The following PTPRK variants were observed in gnomAD, a reference collection of about 807,000 sequenced individuals.
The protein encoded by PTPRK is protein tyrosine phosphatase receptor type K.
In PTPRK, 75 loss-of-function variants were observed where a neutral mutation model predicts 178.0. The ratio of observed to expected loss-of-function variants is 0.42; its 90% CI spans 0.35 to 0.51. PTPRK has a LOEUF of 0.51. PTPRK is among the 20% of genes least tolerant of loss of function. The pLI, the probability that PTPRK is intolerant of heterozygous loss-of-function variation, is 0.02. For synonymous variants in PTPRK, 637 were observed against 620.6 expected, an observed-to-expected ratio of 1.03 and a Z score of -0.39; for missense variants, 1,441 against 1,797.8, an observed-to-expected ratio of 0.80 and a Z score of 3.59.
intron 7 of PTPRK, among the ~76,000 whole-genome samples, chr6:128,174,525 G>C (rs951861970): frequency 6.6e-6 from 1 of 151,738 alleles, no homozygotes; most frequent in African/African-American, 2.4e-5. Flanking sequence ...ATGTTCCTTT[G>C]TTTAAAATAT....
intron 2 of PTPRK, among the ~76,000 whole-genome samples, chr6:128,347,148 G>A (rs1053407828): frequency 5.3e-5 from 8 of 152,030 alleles, no homozygotes; most frequent in African/African-American, 1.7e-4. Context: ...TATCTCACTG[G>A]AAACAATAAT....
intron 1 of PTPRK, among the ~76,000 whole-genome samples, chr6:128,463,060 A>G (rs758686995): frequency 4.6e-5 from 7 of 152,176 alleles, no homozygotes; most frequent in Admixed American, 3.9e-4. Flanking sequence ...TGGAAAATTA[A>G]TTAATTGGGT....
At chr6:128,397,949 T>C (rs1840538499) in intron 1 of PTPRK, among the ~76,000 whole-genome samples, 4 of 152,190 alleles carry the variant, frequency 2.6e-5, no homozygotes, top group African/African-American at 9.6e-5. Context: ...AAATAATAGA[T>C]ACATGCATAA....
chr6:128,163,585 T>A (rs1268069777), intron 7 of PTPRK, among the ~76,000 whole-genome samples: 4 of 151,500 alleles, frequency 2.6e-5, no homozygotes, highest in Non-Finnish European at 5.9e-5. Flanking sequence ...TAGGGTTTTA[T>A]ATTTTTTATG....
rs1248966419 is a variant in PTPRK at position 128,045,403 on chromosome 6, C to T, written c.2194+19355G>A. Among the ~76,000 whole-genome samples, 6 of 151,806 alleles carry T rather than the reference C, an allele frequency of 4.0e-5. No individual in the cohort carries two copies. The South Asian group carries it at 6.2e-4, about 16-fold the overall frequency. On this transcript the variant is annotated intron_variant, in intron 13 of 29. Coordinates refer to ENST00000368226, the MANE Select transcript of PTPRK (RefSeq NM_002844.4). Reference sequence around the variant, plus strand: ...AACTACTTTTTAAACCTATTTTTCTCACAAAAAGGTGAAAATTAATGTAAG... The same window carrying T: ...AACTACTTTTTAAACCTATTTTTCTTACAAAAAGGTGAAAATTAATGTAAG...
chr6:128,122,217 C>T (rs1446842609), intron 7 of PTPRK, among the ~76,000 whole-genome samples: 1 of 151,874 alleles, frequency 6.6e-6, no homozygotes, highest in Non-Finnish European at 1.5e-5. Context: ...GGGGAAGACA[C>T]AAGTTAAATG....
intron 15 of PTPRK, among the ~76,000 whole-genome samples, chr6:127,999,334 T>G (rs181001550): frequency 1.3e-5 from 2 of 151,934 alleles, no homozygotes; most frequent in African/African-American, 4.8e-5. Context: ...ATACCCGATC[T>G]AGGTGACCCA....
intron 1 of PTPRK, among the ~76,000 whole-genome samples, chr6:128,452,484 T>A (rs1337613610): frequency 6.6e-6 from 1 of 152,188 alleles, no homozygotes; most frequent in African/African-American, 2.4e-5. Context: ...AACCTAAGCT[T>A]CAATCGCTGG....
chr6:128,123,206 G>A (rs928568132), intron 7 of PTPRK, among the ~76,000 whole-genome samples: 2 of 152,134 alleles, frequency 1.3e-5, no homozygotes, highest in African/African-American at 4.8e-5. Context: ...GGAAAGCCAG[G>A]AGTCACCAGA....
chr6:128,279,601 G>A (rs1014964547), intron 3 of PTPRK, among the ~76,000 whole-genome samples: 5 of 152,074 alleles, frequency 3.3e-5, no homozygotes, highest in Non-Finnish European at 5.9e-5. Context: ...CTTTTTTAAC[G>A]TGAAGCCACT....
chr6:128,400,675 T>C (rs1457037558), intron 1 of PTPRK, among the ~76,000 whole-genome samples: 1 of 152,156 alleles, frequency 6.6e-6, no homozygotes, highest in Non-Finnish European at 1.5e-5. Context: ...TCATATACAG[T>C]TCCTATTGAC....
chr6:128,410,345 A>T (rs907856418), intron 1 of PTPRK, among the ~76,000 whole-genome samples: 1 of 152,232 alleles, frequency 6.6e-6, no homozygotes, highest in African/African-American at 2.4e-5. Context: ...AACGAGAATC[A>T]TCCAATTTAT....
At chr6:128,322,547 T>G (rs1245231859) in intron 2 of PTPRK, among the ~76,000 whole-genome samples, 1 of 152,018 alleles carries the variant, frequency 6.6e-6, no homozygotes, top group Admixed American at 6.6e-5. Flanking sequence ...CACAACAACC[T>G]GTTATTATCC....
At chr6:128,087,082 G>T (rs1202242744) in intron 8 of PTPRK, among the ~76,000 whole-genome samples, 2 of 152,012 alleles carry the variant, frequency 1.3e-5, no homozygotes, top group Admixed American at 6.6e-5. Context: ...AAATTCCAAA[G>T]CAACTCATTC....
At chr6:128,407,653 AAAGAAGAAG>A (rs1299174509) in intron 1 of PTPRK, among the ~76,000 whole-genome samples, 60 of 147,602 alleles carry the variant, frequency 4.1e-4, no homozygotes, top group African/African-American at 1.5e-3. Flanking sequence ...AAAAAAAAAA[AAAGAAGAAG>A]AAGAAGAAGA....
At chr6:128,080,415 T>C (rs1349188419) in intron 10 of PTPRK, among the ~76,000 whole-genome samples, 1 of 152,026 alleles carries the variant, frequency 6.6e-6, no homozygotes, top group Non-Finnish European at 1.5e-5. Flanking sequence ...GATATAGAAA[T>C]GCAGTGAAGA....
At position 128,313,790 on chromosome 6, in the gene PTPRK, C is replaced by T. The variant is rs918813894; in HGVS notation, c.495+8249G>A. Among the ~76,000 whole-genome samples, 9 of 151,910 alleles carry T rather than the reference C, an allele frequency of 5.9e-5. No individual in the cohort carries two copies. In the South Asian group the frequency reaches 6.2e-4, roughly 11 times the overall value. The stretch of plus-strand genomic sequence containing the variant: ...AAGGTGAGAGAAAATAGGAAATTAC[C>T]GTTATCAAGACCAGACACAATCAGA... On this transcript the variant is annotated intron_variant, in intron 3 of 29. Coordinates refer to ENST00000368226, the MANE Select transcript of PTPRK (RefSeq NM_002844.4).
At chr6:128,447,781 G>A (rs1413473763) in intron 1 of PTPRK, among the ~76,000 whole-genome samples, 1 of 151,922 alleles carries the variant, frequency 6.6e-6, no homozygotes, top group Non-Finnish European at 1.5e-5. Context: ...GTGCCACCAA[G>A]CCCAGCTAAT....
chr6:128,198,056 C>A (rs978458999), intron 6 of PTPRK, among the ~76,000 whole-genome samples: 20 of 152,102 alleles, frequency 1.3e-4, no homozygotes, highest in African/African-American at 4.6e-4. Context: ...TTTAGCTGTT[C>A]AATTTGAGAC....
Sources: gnomAD v4.1 joint callset for allele counts (sites outside exome capture counted in the v4.1 genomes callset) on GRCh38, gnomAD v4.1.1 for gene constraint, MANE v1.5 for transcripts, NCBI Gene and HGNC (gene_info 2026-07-23, HGNC 2026-07-21) for gene names.